Variants in CNIH3 observed in about 807,000 individuals in gnomAD.
The protein encoded by CNIH3 is cornichon family AMPA receptor auxiliary protein 3, also known as protein cornichon homolog 3.
Under a neutral mutation model 24.1 loss-of-function variants are expected in CNIH3, and 14 were observed. The ratio of observed to expected loss-of-function variants is 0.58; its 90% CI spans 0.38 to 0.91. The LOEUF is 0.91. Ranked by LOEUF, CNIH3 falls within the 40% of genes least tolerant of loss-of-function variation. CNIH3 has a pLI of 0.00. For missense variants in CNIH3, 178 were observed against 196.8 expected (o/e 0.90, Z 0.57); for synonymous variants, 68 against 73.8 (o/e 0.92, Z 0.40).
chr1:224,504,886 A>G (rs1399585507), intron 1 of CNIH3, among the ~76,000 whole-genome samples: 1 of 152,146 alleles, frequency 6.6e-6, no homozygotes, highest in Non-Finnish European at 1.5e-5. Context: ...GATGCCTGAC[A>G]CATTGTAAGT....
At chr1:224,489,242 C>T (rs894902512) in intron 1 of CNIH3, among the ~76,000 whole-genome samples, 11 of 152,006 alleles carry the variant, frequency 7.2e-5, no homozygotes. Flanking sequence ...GTCTTTTATT[C>T]TTCAAGTCTG....
intron 1 of CNIH3, among the ~76,000 whole-genome samples, chr1:224,676,633 C>T (rs1686152318): frequency 6.6e-6 from 1 of 152,188 alleles, no homozygotes; most frequent in Non-Finnish European, 1.5e-5. Flanking sequence ...CATTGTAGGA[C>T]ACACACGGAG....
At chr1:224,708,923 C>A (rs1236626875) in intron 3 of CNIH3, among the ~76,000 whole-genome samples, 1 of 152,008 alleles carries the variant, frequency 6.6e-6, no homozygotes, top group Non-Finnish European at 1.5e-5. Flanking sequence ...ACCTGAAAAC[C>A]CCACACAAAA....
At chr1:224,564,691 A>G (rs972416502) in intron 3 of CNIH3, among the ~76,000 whole-genome samples, 1 of 152,262 alleles carries the variant, frequency 6.6e-6, no homozygotes, top group Non-Finnish European at 1.5e-5. Context: ...TGTGAGCCTC[A>G]GGCCCTTCCT....
chr1:224,636,930 A>C lies in CNIH3; in HGVS notation c.81+19675A>C, dbSNP rs892412857. Among the ~76,000 whole-genome samples the C allele has an allele frequency of 2.7e-5, 4 of 149,618 alleles. No homozygotes were observed. In the South Asian group the frequency reaches 8.4e-4, roughly 32 times the overall value. ...CTAATCTATTATCTGTCTATCATCT[A>C]TCTGTCTTTGAGAGATGCATTCTTT... On this transcript the variant is annotated intron_variant, in intron 1 of 5. Coordinates refer to ENST00000272133, the MANE Select transcript of CNIH3 (RefSeq NM_152495.2).
At chr1:224,459,125 C>G in intron 1 of CNIH3, 1 of 807,254 alleles carries the variant, frequency 1.2e-6, no homozygotes, top group Non-Finnish European at 1.5e-6. Flanking sequence ...CTCTGGTAGC[C>G]TGGCTTTTAT....
At chr1:224,606,569 A>T (rs575752993) in intron 3 of CNIH3, among the ~76,000 whole-genome samples, 1 of 152,150 alleles carries the variant, frequency 6.6e-6, no homozygotes, top group African/African-American at 2.4e-5. Flanking sequence ...TAAATACAGG[A>T]TGCAGGGAGG....
chr1:224,714,464 A>G (rs1299314930), intron 3 of CNIH3, among the ~76,000 whole-genome samples: 1 of 152,196 alleles, frequency 6.6e-6, no homozygotes, highest in Non-Finnish European at 1.5e-5. Flanking sequence ...TGCTCTCTTC[A>G]AGGGAGCAAA....
intron 1 of CNIH3, among the ~76,000 whole-genome samples, chr1:224,658,445 G>A (rs12072810): frequency 0.25 from 37,351 of 151,874 alleles, 4,859 homozygotes; most frequent in East Asian, 0.36. Flanking sequence ...GGAATTACAG[G>A]CGTGAGCCCC....
At chr1:224,705,691 T>C (rs1687746879) in intron 3 of CNIH3, among the ~76,000 whole-genome samples, 1 of 152,076 alleles carries the variant, frequency 6.6e-6, no homozygotes. Flanking sequence ...AGTGAGGGGT[T>C]GTTGTGAATG....
chr1:224,452,803 G>A (rs1438872964), intron 1 of CNIH3, among the ~76,000 whole-genome samples: 1 of 119,568 alleles, frequency 8.4e-6, no homozygotes, highest in Non-Finnish European at 1.8e-5. Context: ...AAAAAAAAAA[G>A]GGTTTCAGGG....
downstream of CNIH3, among the ~76,000 whole-genome samples, chr1:224,592,758 T>C (rs887952515): frequency 3.9e-5 from 6 of 152,176 alleles, no homozygotes; most frequent in African/African-American, 1.4e-4. Context: ...GCATTTGGCA[T>C]GCACCAGGAA....
At chr1:224,480,985 A>T (rs1676784865) in intron 1 of CNIH3, among the ~76,000 whole-genome samples, 1 of 152,254 alleles carries the variant, frequency 6.6e-6, no homozygotes. Flanking sequence ...CTGCTGATAA[A>T]GACATACATG....
intron 1 of CNIH3, among the ~76,000 whole-genome samples, chr1:224,644,080 G>T (rs746277289): frequency 1.1e-4 from 17 of 152,212 alleles, no homozygotes; most frequent in Admixed American, 5.9e-4. Flanking sequence ...GTCAGGGACC[G>T]AGTGGGGCTT....
rs1686532537 is a variant in CNIH3, at chr1:224,684,079, T to C, written c.151-717T>C. Among the ~76,000 whole-genome samples the C allele has an allele frequency of 6.6e-6, 1 of 152,236 alleles. No individual in the cohort carries two copies. Among genetic ancestry groups the C allele is most frequent in the Admixed American group, 6.5e-5 (1 of 15,282 alleles). ...GCCTCAGTAATGAAGCACCGGGAGA[T>C]GCCACAGCTGTGTTCAGTGTGGCTT... On this transcript the variant is annotated intron_variant, in intron 2 of 5. Transcript: ENST00000272133. The surrounding 1 kb of genome is among the most constrained non-coding windows in gnomAD (Gnocchi z 4.2).
chr1:224,500,237 T>G (rs1244862899), intron 1 of CNIH3, among the ~76,000 whole-genome samples: 1 of 152,034 alleles, frequency 6.6e-6, no homozygotes, highest in Non-Finnish European at 1.5e-5. Context: ...TCTCTTGAAC[T>G]CCTGGTCTCA....
chr1:224,647,016 T>G (rs535096765), intron 1 of CNIH3, among the ~76,000 whole-genome samples: 1 of 152,312 alleles, frequency 6.6e-6, no homozygotes, highest in South Asian at 2.1e-4. Context: ...AGACAGAGTC[T>G]TGCTCTGTCA....
chr1:224,681,241 G>A (rs1227622873), intron 2 of CNIH3, among the ~76,000 whole-genome samples: 1 of 152,210 alleles, frequency 6.6e-6, no homozygotes, highest in East Asian at 1.9e-4. Flanking sequence ...GACTGTCCCA[G>A]TAACCCAGGG....
chr1:224,599,520 T>C (rs1682122555), intron 3 of CNIH3, among the ~76,000 whole-genome samples: 1 of 152,036 alleles, frequency 6.6e-6, no homozygotes, highest in Non-Finnish European at 1.5e-5. Context: ...AATTTAATAA[T>C]TTGTCATTTA....
Sources: gnomAD v4.1 joint callset for allele counts (sites outside exome capture counted in the v4.1 genomes callset) on GRCh38, gnomAD v4.1.1 for gene constraint, Gnocchi (gnomAD v3.1) non-coding constraint, MANE v1.5 for transcripts, NCBI Gene and HGNC (gene_info 2026-07-23, HGNC 2026-07-21) for gene names.